Variants in B3GALT1 observed in about 807,000 individuals in gnomAD.
The protein encoded by B3GALT1 is UDP-Gal:betaGlcNAc beta 1,3-galactosyltransferase, polypeptide 1.
A neutral mutation model predicts 23.2 loss-of-function variants in B3GALT1; 10 were observed. The observed-to-expected ratio is 0.43, with a 90% CI of 0.27 to 0.73. The LOEUF is 0.73. B3GALT1 is among the 30% of genes least tolerant of loss of function. The pLI, the probability that B3GALT1 is intolerant of heterozygous loss-of-function variation, is 0.21. For missense variants in B3GALT1, 299 were observed against 405.4 expected, an observed-to-expected ratio of 0.74 and a Z score of 2.25; for synonymous variants, 156 against 141.5, an observed-to-expected ratio of 1.10 and a Z score of -0.73.
At chr2:167,531,923 A>G (rs1683333337) in intron 2 of B3GALT1, among the ~76,000 whole-genome samples, 1 of 152,152 alleles carries the variant, frequency 6.6e-6, no homozygotes, top group African/African-American at 2.4e-5. Flanking sequence ...TATTTTTTGG[A>G]TAAGTTCATT....
intron 4 of B3GALT1, among the ~76,000 whole-genome samples, chr2:167,839,862 AG>A (rs1689594419): frequency 6.6e-6 from 1 of 152,228 alleles, no homozygotes; most frequent in Non-Finnish European, 1.5e-5. Context: ...CAGAGCCCTC[AG>A]AAATAACGCC....
chr2:167,512,574 A>ATGTG (rs1700029098), intron 2 of B3GALT1, among the ~76,000 whole-genome samples: 10 of 95,012 alleles, frequency 1.1e-4, no homozygotes, highest in African/African-American at 4.3e-4. Context: ...ATATGTATAT[A>ATGTG]TATATGTATA....
At chr2:167,646,865 T>A (rs981200562) in intron 2 of B3GALT1, among the ~76,000 whole-genome samples, 44 bp from the exon 3 acceptor site, 6 of 152,242 alleles carry the variant, frequency 3.9e-5, no homozygotes, top group African/African-American at 1.4e-4. Context: ...GCAGCATTTA[T>A]AAGATTTTAA....
At chr2:167,605,028 A>G (rs1186100004) in intron 2 of B3GALT1, among the ~76,000 whole-genome samples, 2 of 152,214 alleles carry the variant, frequency 1.3e-5, no homozygotes, top group African/African-American at 2.4e-5. Flanking sequence ...GAAAGAGAGC[A>G]CTAGTTCTTC....
intron 4 of B3GALT1, among the ~76,000 whole-genome samples, chr2:167,839,368 T>C (rs1187788678): frequency 1.3e-5 from 2 of 152,196 alleles, no homozygotes; most frequent in Non-Finnish European, 2.9e-5. Flanking sequence ...ATCACAAGCA[T>C]TCTTATACAC....
chr2:167,322,820 C>T (rs865793964), intron 1 of B3GALT1, among the ~76,000 whole-genome samples: 8 of 152,014 alleles, frequency 5.3e-5, no homozygotes, highest in Non-Finnish European at 8.8e-5. Context: ...TGATTTTAAA[C>T]TTATAATTTA....
At chr2:167,497,567 G>A (rs923758133) in intron 2 of B3GALT1, among the ~76,000 whole-genome samples, 1 of 152,120 alleles carries the variant, frequency 6.6e-6, no homozygotes, top group African/African-American at 2.4e-5. Context: ...TGGGACAAAA[G>A]AGATAAAAAG....
At chr2:167,393,276 T>G (rs561362036) in intron 1 of B3GALT1, among the ~76,000 whole-genome samples, 3 of 133,322 alleles carry the variant, frequency 2.3e-5, no homozygotes, top group Admixed American at 1.5e-4. Flanking sequence ...TGTTGGTGAG[T>G]TTTTTTTTTT....
chr2:167,610,841 T>G (rs905687151), intron 2 of B3GALT1, among the ~76,000 whole-genome samples: 14 of 138,150 alleles, frequency 1.0e-4, no homozygotes, highest in African/African-American at 3.6e-4. Context: ...TTGGGGGTCA[T>G]AGGACCAACC....
chr2:167,565,721 A>G (rs1684148648), intron 2 of B3GALT1, among the ~76,000 whole-genome samples: 1 of 152,248 alleles, frequency 6.6e-6, no homozygotes, highest in Non-Finnish European at 1.5e-5. Flanking sequence ...ACAAGAAGAC[A>G]TTTATGCAGC....
rs1559081826 is a variant in B3GALT1, at chr2:167,387,033, T to TCATG, written c.-511+93699_-511+93700insCATG. Among the ~76,000 whole-genome samples the TCATG allele has an allele frequency of 3.3e-3, 489 of 147,698 alleles. 3 individuals carry two copies. The highest frequency in any genetic ancestry group is 0.012 in the African/African-American group (444 of 37,548). ...GTCTCATCATATCATATCATATCAT[T>TCATG]TCATGGGTAAGGAAACTGCCTTGGA... On this transcript the variant is annotated intron_variant, in intron 1 of 4. Transcript: ENST00000392690.
chr2:167,638,677 A>T (rs1305495271), intron 2 of B3GALT1, among the ~76,000 whole-genome samples: 1 of 152,096 alleles, frequency 6.6e-6, no homozygotes, highest in Admixed American at 6.6e-5. Context: ...CACTGGATCT[A>T]TTAAGTTGTA....
chr2:167,594,774 C>T (rs1013406103), intron 2 of B3GALT1, among the ~76,000 whole-genome samples: 1 of 152,066 alleles, frequency 6.6e-6, no homozygotes, highest in Non-Finnish European at 1.5e-5. Flanking sequence ...AGTGCGGTGG[C>T]AGGTGCCTGT....
intron 2 of B3GALT1, among the ~76,000 whole-genome samples, chr2:167,626,177 G>C (rs931265955): frequency 3.3e-5 from 5 of 150,786 alleles, no homozygotes; most frequent in Non-Finnish European, 4.4e-5. Context: ...TTTATTTTTT[G>C]GTGTTAAAGT....
chr2:167,721,106 C>G (rs1366551449), intron 3 of B3GALT1, among the ~76,000 whole-genome samples: 1 of 152,158 alleles, frequency 6.6e-6, no homozygotes, highest in Admixed American at 6.6e-5. Flanking sequence ...TCTCTTCTCT[C>G]TCTCATCTCA....
chr2:167,488,973 CAAAAA>C (rs5836143), intron 1 of B3GALT1, among the ~76,000 whole-genome samples: 8 of 150,340 alleles, frequency 5.3e-5, no homozygotes, highest in African/African-American at 2.0e-4. Flanking sequence ...TATGATATTA[CAAAAA>C]AAAAAAAATA....
intron 2 of B3GALT1, among the ~76,000 whole-genome samples, chr2:167,538,476 G>A (rs1238338194): frequency 1.3e-5 from 2 of 152,118 alleles, no homozygotes; most frequent in African/African-American, 4.8e-5. Flanking sequence ...TATTGGTGAG[G>A]ACACATTAAG....
At chr2:167,794,639 GC>G (rs1161365857) in intron 3 of B3GALT1, among the ~76,000 whole-genome samples, 4 of 152,150 alleles carry the variant, frequency 2.6e-5, no homozygotes, top group Non-Finnish European at 5.9e-5. Context: ...CATTAGTAAA[GC>G]CCCTTTGATG....
chr2:167,562,102 T>A lies in B3GALT1; in HGVS notation c.-410+71825T>A, dbSNP rs200735872. The stretch of plus-strand genomic sequence containing the variant: ...TTCCAGCAGCACGTCAAAAAGCTTA[T>A]CCACCATGATCAAGTGGGCTTCATC... On this transcript the variant is annotated intron_variant, in intron 2 of 4. Transcript: ENST00000392690. 4.2e-3 allele frequency among the ~76,000 whole-genome samples: 643 copies of A among 152,300 alleles called. 23 individuals carry two copies. In the East Asian group the frequency reaches 0.083, roughly 20 times the overall value.
Sources: allele counts gnomAD v4.1 joint callset (sites outside exome capture counted in the v4.1 genomes callset), GRCh38; gene constraint gnomAD v4.1.1; transcripts MANE v1.5; gene names NCBI Gene and HGNC (gene_info 2026-07-23, HGNC 2026-07-21).